Variants in NFAM1 observed in about 807,000 individuals in gnomAD.
The protein encoded by NFAM1 is NFAT activation molecule 1.
Under a neutral mutation model 29.0 loss-of-function variants are expected in NFAM1, and 17 were observed. That is an observed-to-expected ratio of 0.59 (90% CI 0.40 to 0.88). NFAM1 has a LOEUF of 0.88. Ranked by LOEUF, NFAM1 falls within the 40% of genes least tolerant of loss-of-function variation. NFAM1 has a pLI of 0.00. For missense variants in NFAM1, 324 were observed against 344.6 expected (o/e 0.94, Z 0.47); for synonymous variants, 175 against 147.2 (o/e 1.19, Z -1.36).
chr22:42,398,363 C>CCT (rs34284728), intron 3 of NFAM1, among the ~76,000 whole-genome samples: 59,124 of 149,704 alleles, frequency 0.39, 12,965 homozygotes, highest in African/African-American at 0.58. Flanking sequence ...AGCCAGTTCC[C>CCT]CTCTGGGCCT....
chr22:42,431,817 GCAA>G (rs1388979460), intron 1 of NFAM1, among the ~76,000 whole-genome samples: 1 of 129,546 alleles, frequency 7.7e-6, no homozygotes, highest in Non-Finnish European at 1.6e-5. Context: ...GCCAATGCCA[GCAA>G]CAACCCAGAG....
chr22:42,418,481 CAG>C (rs931146086), intron 1 of NFAM1, among the ~76,000 whole-genome samples: 1 of 152,094 alleles, frequency 6.6e-6, no homozygotes, highest in Non-Finnish European at 1.5e-5. Context: ...CACATGAGGT[CAG>C]AAGTTCAAGA....
intron 1 of NFAM1, among the ~76,000 whole-genome samples, chr22:42,417,607 G>A (rs187397188): frequency 7.2e-5 from 11 of 152,338 alleles, no homozygotes; most frequent in Admixed American, 7.2e-4. Context: ...GGCTCAGGGA[G>A]GGCAGAGTTG....
intron 4 of NFAM1, among the ~76,000 whole-genome samples, chr22:42,389,426 G>A (rs1277473168): frequency 6.6e-6 from 1 of 152,154 alleles, no homozygotes; most frequent in Non-Finnish European, 1.5e-5. Context: ...TGACCCGCTG[G>A]GTGCATTTAT....
At chr22:42,421,987 T>C (rs1479974516) in intron 1 of NFAM1, among the ~76,000 whole-genome samples, 2 of 152,076 alleles carry the variant, frequency 1.3e-5, no homozygotes, top group African/African-American at 4.8e-5. Context: ...AAGTGGCTGG[T>C]GAGGGAGGGG....
chr22:42,402,017 C>T (rs1929740758), intron 3 of NFAM1, among the ~76,000 whole-genome samples: 2 of 152,240 alleles, frequency 1.3e-5, no homozygotes, highest in Admixed American at 1.3e-4. Flanking sequence ...CACTAAGTCC[C>T]CCGCCTACAG....
At chr22:42,400,182 T>C (rs771144316) in intron 3 of NFAM1, among the ~76,000 whole-genome samples, 11 of 152,236 alleles carry the variant, frequency 7.2e-5, no homozygotes, top group Non-Finnish European at 1.3e-4. Flanking sequence ...CTCTGCTTAG[T>C]TAGAACGTGT....
At chr22:42,395,752 G>C (rs1929499757) in intron 4 of NFAM1, among the ~76,000 whole-genome samples, 1 of 151,142 alleles carries the variant, frequency 6.6e-6, no homozygotes, top group African/African-American at 2.4e-5. Flanking sequence ...GCGCAGTGGC[G>C]GGCACCTGTA....
Position 42,383,536 on chromosome 22 carries a change from G to A in NFAM1, c.*1625C>T, listed in dbSNP as rs1011935459. 2 of 152,722 alleles carry A rather than the reference G, an allele frequency of 1.3e-5. No homozygotes were observed. Among genetic ancestry groups the A allele is most frequent in the African/African-American group, 2.4e-5 (1 of 41,450 alleles). The allele number at this position is 152,722 out of a possible 1,614,324, so 9.5% of individuals were successfully genotyped here. ...CAGGCGGGGGCCCAGAACCAAGTTGGGAGGCCACTGGCTGTCCTGTGGGAC... is the reference window on the plus strand; with the variant it reads ...CAGGCGGGGGCCCAGAACCAAGTTGAGAGGCCACTGGCTGTCCTGTGGGAC... On this transcript the variant is annotated 3_prime_UTR_variant, in exon 6 of 6. Transcript: ENST00000329021.
intron 4 of NFAM1, among the ~76,000 whole-genome samples, chr22:42,394,279 C>G (rs1204272272): frequency 6.6e-6 from 1 of 152,120 alleles, no homozygotes. Context: ...CTCAGGTGAT[C>G]CACCAGCCTC....
intron 5 of NFAM1, 84 bp downstream of exon 5, chr22:42,386,905 G>A (rs531766607): frequency 8.2e-6 from 6 of 730,946 alleles, no homozygotes; most frequent in Non-Finnish European, 1.4e-5. Flanking sequence ...TCACTTCCAT[G>A]TCCCATTTGC....
rs547628677 is a variant in NFAM1, at chr22:42,404,906, G to T, written c.564+4529C>A. Among the ~76,000 whole-genome samples, 5 of 152,054 alleles carry T rather than the reference G, an allele frequency of 3.3e-5. No homozygotes were observed. In the South Asian group the frequency reaches 1.0e-3, roughly 32 times the overall value. On this transcript the variant is annotated intron_variant, in intron 3 of 5. Transcript: ENST00000329021. ...CTTCCATGTTCACTTAGTGGGCAGGGTCTACCCTCCTTATCCCATTTCCAG... is the reference window on the plus strand; with the variant it reads ...CTTCCATGTTCACTTAGTGGGCAGGTTCTACCCTCCTTATCCCATTTCCAG...
At chr22:42,417,568 C>A (rs1930302152) in intron 1 of NFAM1, among the ~76,000 whole-genome samples, 1 of 152,134 alleles carries the variant, frequency 6.6e-6, no homozygotes, top group Non-Finnish European at 1.5e-5. Flanking sequence ...AGAGCGGGGC[C>A]TGGAGGTGGC....
chr22:42,387,008 T>C lies in NFAM1; in HGVS notation c.734A>G (p.Lys245Arg). 6.4e-7 allele frequency: 1 copy of C among 1,574,476 alleles called. No homozygotes were observed. Among genetic ancestry groups the C allele is most frequent in the Non-Finnish European group, 8.6e-7 (1 of 1,159,830 alleles). ...GTGTACCTGGGAGAGGGGGCTCTGC[T>C]TGGCGGTGGGTGAGCTGCCATCCTC... is the stretch of plus-strand genomic sequence containing the variant. ...ENEDGSSPTA[K>R]QSPLSQERPH... Residue 245 changes from lysine (K) to arginine (R), a missense_variant, in exon 5 of 6, where the codon AAG becomes AGG. Lys to Arg is a conservative substitution (Grantham distance 26). Coordinates refer to ENST00000329021, the MANE Select transcript of NFAM1 (RefSeq NM_145912.8).
chr22:42,422,480 C>A (rs1930478256), intron 1 of NFAM1, among the ~76,000 whole-genome samples: 1 of 152,114 alleles, frequency 6.6e-6, no homozygotes, highest in African/African-American at 2.4e-5. Flanking sequence ...GTGGCACGCA[C>A]CTGTAGCCCC....
At chr22:42,427,996 T>C (rs1002777053) in intron 1 of NFAM1, among the ~76,000 whole-genome samples, 1 of 152,230 alleles carries the variant, frequency 6.6e-6, no homozygotes, top group African/African-American at 2.4e-5. Context: ...CTTTGTTTTC[T>C]AGTGCTTACC....
intron 4 of NFAM1, 120 bp downstream of exon 4, chr22:42,397,738 A>G: frequency 1.5e-6 from 1 of 670,330 alleles, no homozygotes; most frequent in Non-Finnish European, 2.7e-6. Context: ...TAGATGAGGA[A>G]CTTGAGGCTA....
At chr22:42,385,958 T>A (rs891729233) in intron 5 of NFAM1, among the ~76,000 whole-genome samples, 1 of 152,224 alleles carries the variant, frequency 6.6e-6, no homozygotes, top group Admixed American at 6.5e-5. Flanking sequence ...CGCCTCACGC[T>A]TGACGGTGCT....
intron 4 of NFAM1, among the ~76,000 whole-genome samples, chr22:42,389,578 G>A (rs999760428): frequency 1.3e-5 from 2 of 151,722 alleles, no homozygotes; most frequent in Admixed American, 6.6e-5. Context: ...CCTTGGAATG[G>A]GCCACTTGTG....
Sources: allele counts gnomAD v4.1 joint callset (sites outside exome capture counted in the v4.1 genomes callset), GRCh38; gene constraint gnomAD v4.1.1; transcripts MANE v1.5; gene names NCBI Gene and HGNC (gene_info 2026-07-23, HGNC 2026-07-21).